The following SLC36A1 variants were observed in gnomAD, a reference collection of about 807,000 sequenced individuals.
The protein encoded by SLC36A1 is solute carrier family 36 member 1, also known as proton-coupled amino acid transporter 1.
Under a neutral mutation model 47.5 loss-of-function variants are expected in SLC36A1, and 30 were observed. That is an observed-to-expected ratio of 0.63 (90% CI 0.47 to 0.86). The LOEUF is 0.86. Among genes scored for constraint, SLC36A1 ranks in the 40% least tolerant of loss-of-function variants. SLC36A1 has a pLI of 0.00. For missense variants in SLC36A1, 517 were observed against 606.0 expected, an observed-to-expected ratio of 0.85 and a Z score of 1.54; for synonymous variants, 255 against 249.7, an observed-to-expected ratio of 1.02 and a Z score of -0.20.
chr5:151,463,564 C>A lies in SLC36A1; in HGVS notation c.155C>A (p.Thr52Asn), dbSNP rs1028439777. The part of the protein sequence containing the change: ...GQSNSTTWFQ[T>N]LIHLLKGNIG... ...GTCTTCCACTTCAGATGGTTCCAGA[C>A]CTTGATCCACCTGTTAAAAGGCAAC... is the stretch of plus-strand genomic sequence containing the variant. The change falls in exon 3 of 11, where the codon ACC (threonine) becomes AAC (asparagine). Residue 52 changes from threonine (T) to asparagine (N), a missense_variant. Physicochemically the swap from Thr to Asn is moderately conservative, Grantham distance 65. Transcript: ENST00000243389. The A allele has an allele frequency of 1.2e-6, 2 of 1,613,804 alleles. No individual in the cohort carries two copies. The highest frequency in any genetic ancestry group is 8.5e-7 in the Non-Finnish European group (1 of 1,179,704).
intron 1 of SLC36A1, among the ~76,000 whole-genome samples, chr5:151,450,430 A>G (rs1354873518): frequency 2.0e-5 from 3 of 150,996 alleles, no homozygotes; most frequent in Admixed American, 6.6e-5. Flanking sequence ...GATGGAGCAG[A>G]TGTCCACTTA....
At chr5:151,522,536 G>A in the SLC36A1 span, among the ~76,000 whole-genome samples, 2 of 152,356 alleles carry the variant, frequency 1.3e-5, no homozygotes, top group East Asian at 1.9e-4. Flanking sequence ...TGCGATTGGA[G>A]TGGGAGTCGG....
chr5:151,384,044 A>G, the SLC36A1 span, among the ~76,000 whole-genome samples: 1 of 151,748 alleles, frequency 6.6e-6, no homozygotes, highest in African/African-American at 2.4e-5. Flanking sequence ...AAAAAAAAGA[A>G]CCCTATGCCA....
chr5:151,452,018 A>G (rs777220926), intron 1 of SLC36A1, among the ~76,000 whole-genome samples: 2 of 152,144 alleles, frequency 1.3e-5, no homozygotes, highest in Non-Finnish European at 2.9e-5. Context: ...CTAAGAAGGA[A>G]GCTGGAGCTT....
At position 151,453,717 on chromosome 5, in the gene SLC36A1, C is replaced by T. The variant is rs185894444; in HGVS notation, c.-5-5071C>T. Among the ~76,000 whole-genome samples the T allele has an allele frequency of 2.6e-3, 388 of 151,866 alleles. 3 individuals carry two copies. Among genetic ancestry groups the T allele is most frequent in the African/African-American group, 8.5e-3 (352 of 41,440 alleles). On this transcript the variant is annotated intron_variant, in intron 1 of 10. Coordinates refer to ENST00000243389, the MANE Select transcript of SLC36A1 (RefSeq NM_078483.4). Reference sequence around the variant, plus strand: ...TTATGTTCTCCTGAGTCCTGAATCCCATGCTGTTAAAATGGGAACATTAGC... The same window carrying T: ...TTATGTTCTCCTGAGTCCTGAATCCTATGCTGTTAAAATGGGAACATTAGC...
At chr5:151,398,095 G>A in the SLC36A1 span, among the ~76,000 whole-genome samples, 1 of 152,174 alleles carries the variant, frequency 6.6e-6, no homozygotes, top group African/African-American at 2.4e-5. Context: ...TTCAGCCTGG[G>A]TGACAGAGTG....
the SLC36A1 span, chr5:151,506,160 A>G: frequency 2.0e-6 from 3 of 1,478,340 alleles, no homozygotes; most frequent in African/African-American, 2.8e-5. Flanking sequence ...AGCTGGCTCT[A>G]TAGCAACTAT....
intron 9 of SLC36A1, chr5:151,476,999 G>T (rs1758161224): frequency 1.6e-6 from 1 of 636,824 alleles, no homozygotes; most frequent in East Asian, 3.2e-5. Context: ...TTTCTCCTTG[G>T]AATTCCTAAG....
At chr5:151,529,051 AGAGTC>A in the SLC36A1 span, 1 of 752,808 alleles carries the variant, frequency 1.3e-6, no homozygotes, top group Non-Finnish European at 2.2e-6. Context: ...CTGACAAGTC[AGAGTC>A]AAGTCTACAG....
the SLC36A1 span, among the ~76,000 whole-genome samples, chr5:151,430,320 A>C: frequency 8.1e-6 from 1 of 124,074 alleles, no homozygotes; most frequent in Non-Finnish European, 1.6e-5. Context: ...GTGCGCCACC[A>C]CACCTGGCTA....
At chr5:151,533,642 T>C in the SLC36A1 span, among the ~76,000 whole-genome samples, 6 of 152,300 alleles carry the variant, frequency 3.9e-5, no homozygotes, top group South Asian at 1.2e-3. Flanking sequence ...TTGACCTGGC[T>C]ATTCTGATGC....
chr5:151,534,528 A>G, the SLC36A1 span: 1 of 1,614,110 alleles, frequency 6.2e-7, no homozygotes, highest in Non-Finnish European at 8.5e-7. Context: ...CACATCCTCC[A>G]CATGGAGGGT....
the SLC36A1 span, among the ~76,000 whole-genome samples, chr5:151,428,669 G>A: frequency 1.3e-5 from 2 of 151,926 alleles, no homozygotes; most frequent in African/African-American, 4.8e-5. Context: ...GTCTCACTCT[G>A]TTGCCCAGAC....
At chr5:151,544,573 G>A in the SLC36A1 span, 2 of 1,614,080 alleles carry the variant, frequency 1.2e-6, no homozygotes, top group Non-Finnish European at 1.7e-6. Context: ...GGTATAGAGG[G>A]TGATATTTTC....
intron 7 of SLC36A1, among the ~76,000 whole-genome samples, chr5:151,470,047 C>G (rs1435899942): frequency 6.6e-6 from 1 of 152,182 alleles, no homozygotes; most frequent in Non-Finnish European, 1.5e-5. Context: ...CAGATATTGA[C>G]TCTTCTGCAG....
At chr5:151,479,946 A>AT (rs1758588574) in intron 10 of SLC36A1, 7 of 609,386 alleles carry the variant, frequency 1.1e-5, no homozygotes, top group Non-Finnish European at 1.4e-5. Context: ...TATTCTAGAC[A>AT]TTTTTTAATG....
At chr5:151,384,730 G>C in the SLC36A1 span, among the ~76,000 whole-genome samples, 1 of 152,204 alleles carries the variant, frequency 6.6e-6, no homozygotes, top group South Asian at 2.1e-4. Flanking sequence ...TTCTCACCCA[G>C]TATAAAAAAG....
chr5:151,371,117 CAAA>C, the SLC36A1 span, among the ~76,000 whole-genome samples: 1 of 152,048 alleles, frequency 6.6e-6, no homozygotes, highest in Non-Finnish European at 1.5e-5. Context: ...ATGTAACAAT[CAAA>C]AAGTGTCTCC....
chr5:151,440,854 A>G (rs1433199836), intron 1 of SLC36A1, among the ~76,000 whole-genome samples: 1 of 152,110 alleles, frequency 6.6e-6, no homozygotes, highest in Non-Finnish European at 1.5e-5. Context: ...ACTTTCTACC[A>G]CTCAGCAGAA....
Sources: gnomAD v4.1 joint callset for allele counts (sites outside exome capture counted in the v4.1 genomes callset) on GRCh38, gnomAD v4.1.1 for gene constraint, MANE v1.5 for transcripts, NCBI Gene and HGNC (gene_info 2026-07-23, HGNC 2026-07-21) for gene names.